DDX10: variants seen among roughly 807,000 people sequenced by gnomAD.
DDX10 encodes DEAD-box helicase 10, also known as probable ATP-dependent RNA helicase DDX10.
Under a neutral mutation model 104.3 loss-of-function variants are expected in DDX10, and 74 were observed. That is an observed-to-expected ratio of 0.71 (90% CI 0.59 to 0.86). The LOEUF is 0.86. Among genes scored for constraint, DDX10 ranks in the 40% least tolerant of loss-of-function variants. The probability of loss-of-function intolerance (pLI) is 0.00; values close to 1 mark genes in which losing one functional copy is unlikely to be tolerated. For missense variants in DDX10, 952 were observed against 1,040.0 expected (o/e 0.92, Z 1.16); for synonymous variants, 351 against 353.4 (o/e 0.99, Z 0.08).
intron 6 of DDX10, among the ~76,000 whole-genome samples, chr11:108,682,627 C>G (rs548358032): frequency 4.6e-5 from 7 of 151,966 alleles, no homozygotes; most frequent in Non-Finnish European, 7.4e-5. Context: ...ACCTTTGTGT[C>G]TTCATTGTTA....
intron 15 of DDX10, among the ~76,000 whole-genome samples, chr11:108,847,260 A>G (rs1349240293): frequency 1.3e-5 from 2 of 152,218 alleles, no homozygotes; most frequent in African/African-American, 4.8e-5. Context: ...CTGTTGAAAG[A>G]TAGGCCATGG....
At chr11:108,916,109 T>G (rs1235450247) in intron 16 of DDX10, among the ~76,000 whole-genome samples, 1 of 152,104 alleles carries the variant, frequency 6.6e-6, no homozygotes, top group Non-Finnish European at 1.5e-5. Flanking sequence ...TAACAAAAGC[T>G]CTTTGGCATC....
chr11:108,724,749 A>G lies in DDX10; in HGVS notation c.1965+1287A>G, dbSNP rs535114280. ...AGGAATGATATAGTTTTATAATACC[A>G]TGAATTGTTCACGTAAGTAGGACAT... On this transcript the variant is annotated intron_variant, in intron 13 of 17. Transcript: ENST00000322536. 3.3e-5 allele frequency among the ~76,000 whole-genome samples: 5 copies of G among 152,252 alleles called. No homozygotes were observed. In the East Asian group the frequency reaches 9.6e-4, roughly 29 times the overall value.
rs146162810 is a variant in DDX10 at position 108,914,123 on chromosome 11, G to C, written c.2305-3750G>C. ...AGTAAATTTTTATTACTTTGAATTC[G>C]TATTTTCTTTATATACCAATGTAAA... On this transcript the variant is annotated intron_variant, in intron 16 of 17. Coordinates refer to ENST00000322536, the MANE Select transcript of DDX10 (RefSeq NM_004398.4). Among the ~76,000 whole-genome samples the C allele has an allele frequency of 1.5e-3, 225 of 152,150 alleles. 1 individual carries two copies. The East Asian group carries it at 0.04, about 27-fold the overall frequency.
In DDX10 at chr11:108,858,320, A is replaced by G. The variant is rs1862898237; in HGVS notation, c.2304+6111A>G. Among the ~76,000 whole-genome samples the G allele has an allele frequency of 2.0e-5, 3 of 152,130 alleles. No individual in the cohort carries two copies. The South Asian group carries it at 6.2e-4, about 31-fold the overall frequency. On this transcript the variant is annotated intron_variant, in intron 16 of 17. Coordinates refer to ENST00000322536, the MANE Select transcript of DDX10 (RefSeq NM_004398.4). The stretch of plus-strand genomic sequence containing the variant: ...TACTTGGTGATTGTCTCTCATCACT[A>G]GACTATAAACTCCTTGAGAGCAGCA...
intron 13 of DDX10, among the ~76,000 whole-genome samples, chr11:108,742,457 C>A (rs1457846537): frequency 6.6e-6 from 1 of 151,702 alleles, no homozygotes; most frequent in Non-Finnish European, 1.5e-5. Context: ...CTCAGCTACT[C>A]AGGAGGCTGA....
At chr11:108,830,274 T>C (rs1423376014) in intron 13 of DDX10, among the ~76,000 whole-genome samples, 3 of 152,242 alleles carry the variant, frequency 2.0e-5, no homozygotes, top group Non-Finnish European at 4.4e-5. Context: ...GTTTTTCACA[T>C]CCTTGTTTAG....
chr11:108,690,661 G>A (rs1281142507), intron 7 of DDX10: 5 of 163,144 alleles, frequency 3.1e-5, no homozygotes, highest in Admixed American at 1.9e-4. Flanking sequence ...GCGTTGGCCA[G>A]TGTGGGCCAC....
At chr11:108,740,522 G>C (rs2094323884) in intron 13 of DDX10, among the ~76,000 whole-genome samples, 1 of 152,112 alleles carries the variant, frequency 6.6e-6, no homozygotes, top group Admixed American at 6.5e-5. Context: ...TTGCTGGGTT[G>C]AATGGTAATT....
chr11:108,905,395 AT>A (rs1185231498), intron 16 of DDX10, among the ~76,000 whole-genome samples: 8 of 143,294 alleles, frequency 5.6e-5, no homozygotes, highest in Non-Finnish European at 1.1e-4. Context: ...ACGTCTTTAT[AT>A]TCTACTAACT....
intron 13 of DDX10, among the ~76,000 whole-genome samples, chr11:108,731,333 C>T (rs1303148548): frequency 6.6e-6 from 1 of 151,978 alleles, no homozygotes; most frequent in Non-Finnish European, 1.5e-5. Context: ...TTACAGGTGT[C>T]AGCCACCATG....
intron 13 of DDX10, among the ~76,000 whole-genome samples, chr11:108,830,063 A>G (rs1042382846): frequency 6.6e-5 from 10 of 152,144 alleles, no homozygotes; most frequent in Non-Finnish European, 1.2e-4. Flanking sequence ...TTGGTTCCAT[A>G]TTAATTTCAG....
intron 13 of DDX10, among the ~76,000 whole-genome samples, chr11:108,755,054 A>G (rs2094342930): frequency 1.3e-5 from 2 of 152,054 alleles, no homozygotes; most frequent in Admixed American, 1.3e-4. Flanking sequence ...AATGTGGGAC[A>G]GGAATGATTG....
intron 17 of DDX10, among the ~76,000 whole-genome samples, chr11:108,922,523 G>T (rs1017677635): frequency 6.6e-6 from 1 of 152,240 alleles, no homozygotes. Context: ...TGGAGAGCCA[G>T]ATTTAGTGGA....
chr11:108,883,741 G>A (rs966714549), intron 16 of DDX10, among the ~76,000 whole-genome samples: 1 of 152,130 alleles, frequency 6.6e-6, no homozygotes, highest in African/African-American at 2.4e-5. Context: ...ACAATCAGCA[G>A]CAACTTCTGT....
Position 108,693,506 on chromosome 11 carries a change from T to A in DDX10, c.1139-10T>A, listed in dbSNP as rs1565249182. On this transcript the variant is annotated splice_polypyrimidine_tract_variant and intron_variant, in intron 8 of 17. Transcript: ENST00000322536. ...AACCAGTTTCTTAACTTCACATCCC[T>A]TCTCTGTAGATTTCCCGGCCGTGAA... 1 of 1,610,918 alleles carries A rather than the reference T, an allele frequency of 6.2e-7. No individual in the cohort carries two copies. Among genetic ancestry groups the A allele is most frequent in the East Asian group, 2.2e-5 (1 of 44,872 alleles).
At chr11:108,819,516 G>T (rs1406360022) in intron 13 of DDX10, among the ~76,000 whole-genome samples, 1 of 152,098 alleles carries the variant, frequency 6.6e-6, no homozygotes, top group East Asian at 1.9e-4. Flanking sequence ...AGAAAAACAG[G>T]AATAGGTGTC....
intron 16 of DDX10, among the ~76,000 whole-genome samples, chr11:108,902,456 C>T (rs965319715): frequency 6.6e-6 from 1 of 152,126 alleles, no homozygotes; most frequent in Non-Finnish European, 1.5e-5. Flanking sequence ...GGGATTTCTT[C>T]CCAGCTCTAT....
chr11:108,916,590 T>C (rs1216382556), intron 16 of DDX10, among the ~76,000 whole-genome samples: 7 of 152,196 alleles, frequency 4.6e-5, no homozygotes, highest in Admixed American at 1.3e-4. Context: ...CGAGCATTAA[T>C]CATTTGAAAT....
Sources: gnomAD v4.1 joint callset for allele counts (sites outside exome capture counted in the v4.1 genomes callset) on GRCh38, gnomAD v4.1.1 for gene constraint, MANE v1.5 for transcripts, NCBI Gene and HGNC (gene_info 2026-07-23, HGNC 2026-07-21) for gene names.